STAP2: variants seen among roughly 807,000 people sequenced by gnomAD.
The protein encoded by STAP2 is signal-transducing adaptor protein 2.
A neutral mutation model predicts 52.7 loss-of-function variants in STAP2; 58 were observed. That is an observed-to-expected ratio of 1.10 (90% CI 0.89 to 1.37). STAP2 has a LOEUF of 1.37. STAP2 is among the 40% of genes most tolerant of loss of function. The pLI, the probability that STAP2 is intolerant of heterozygous loss-of-function variation, is 0.00. For missense variants in STAP2, 522 were observed against 519.4 expected (o/e 1.00, Z -0.05); for synonymous variants, 231 against 210.5 (o/e 1.10, Z -0.84).
chr19:4,328,982 G>T, intron 5 of STAP2, 173 bp from the exon 6 acceptor site: 1 of 876,052 alleles, frequency 1.1e-6, no homozygotes, highest in Non-Finnish European at 1.6e-6. Context: ...GGCCTTCCAG[G>T]CTCCTAGTTT....
At position 4,327,392 on chromosome 19, in the gene STAP2, C is replaced by G. The variant is rs1163118572; in HGVS notation, c.591-7G>C. On this transcript the variant is annotated splice_polypyrimidine_tract_variant and splice_region_variant and intron_variant, in intron 6 of 12. Transcript: ENST00000594605. ...ATGCCGGACCACGTGCGTCCTGCAC[C>G]AGGAGAAAGCGAGTGAGTGGCTCAG... The G allele has an allele frequency of 6.2e-7, 1 of 1,614,066 alleles. No individual in the cohort carries two copies. The highest frequency in any genetic ancestry group is 8.5e-7 in the Non-Finnish European group (1 of 1,179,956).
At position 4,330,075 on chromosome 19, in the gene STAP2, G is replaced by C. The variant is rs759575061; in HGVS notation, c.355-14C>G. 3.1e-6 allele frequency: 5 copies of C among 1,608,454 alleles called. No individual in the cohort carries two copies. Among genetic ancestry groups the C allele is most frequent in the Non-Finnish European group, 4.3e-6 (5 of 1,175,646 alleles). ...CGGGACACGGAGCTGAGGGGCGATC[G>C]AGGGACAGTGACTGCACCTGGCCAG... is the stretch of plus-strand genomic sequence containing the variant. On this transcript the variant is annotated splice_polypyrimidine_tract_variant and intron_variant, in intron 4 of 12. Coordinates refer to ENST00000594605, the MANE Select transcript of STAP2 (RefSeq NM_001013841.2).
chr19:4,337,889 G>A (rs1972004746), intron 1 of STAP2, among the ~76,000 whole-genome samples: 1 of 152,002 alleles, frequency 6.6e-6, no homozygotes, highest in Non-Finnish European at 1.5e-5. Flanking sequence ...AAGAGGCAGT[G>A]CATGCCTGTG....
In STAP2 at chr19:4,334,001, T is replaced by C; in HGVS notation, c.146A>G (p.Tyr49Cys). 6.2e-7 allele frequency: 1 copy of C among 1,613,418 alleles called. No individual in the cohort carries two copies. The highest frequency in any genetic ancestry group is 8.5e-7 in the Non-Finnish European group (1 of 1,179,724). ...GAAGTCCCGATTGCTATTGTAGAAA[T>C]AAATGGTGAGACCCTGCAGGCCTGC... ...FWAGLQGLTI[Y>C]FYNSNRDFQH... is the part of the protein sequence containing the mutation. The change falls in exon 2 of 13, where the codon TAT becomes TGT. Residue 49 changes from tyrosine (Y) to cysteine (C), a missense_variant. Coordinates refer to ENST00000594605, the MANE Select transcript of STAP2 (RefSeq NM_001013841.2).
intron 1 of STAP2, 30 bp downstream of exon 1, chr19:4,338,622 G>A: frequency 6.9e-7 from 1 of 1,444,666 alleles, no homozygotes; most frequent in Non-Finnish European, 9.3e-7. Flanking sequence ...CGGTGGCCCA[G>A]CAGGGCCAGC....
At chr19:4,336,838 T>G (rs1971988110) in intron 1 of STAP2, among the ~76,000 whole-genome samples, 1 of 148,568 alleles carries the variant, frequency 6.7e-6, no homozygotes, top group African/African-American at 2.5e-5. Context: ...TTTCACCATA[T>G]TGGCCAGGTT....
At chr19:4,326,554 G>A (rs1462457017) in intron 9 of STAP2, among the ~76,000 whole-genome samples, 1 of 148,642 alleles carries the variant, frequency 6.7e-6, no homozygotes, top group East Asian at 1.9e-4. Context: ...CTGCTTGTCC[G>A]GGTGTACCCT....
At chr19:4,326,385 C>G (rs570400952) in intron 9 of STAP2, among the ~76,000 whole-genome samples, 1 of 152,188 alleles carries the variant, frequency 6.6e-6, no homozygotes, top group Admixed American at 6.5e-5. Context: ...GGATGTGGCA[C>G]TTGGGGGTCC....
At chr19:4,330,268 C>T (rs143878397) in intron 4 of STAP2, among the ~76,000 whole-genome samples, 3,136 of 152,140 alleles carry the variant, frequency 0.021, 75 homozygotes, top group African/African-American at 0.06. Context: ...CGCCTGTAAT[C>T]CCAGCACTTT....
chr19:4,328,630 T>TACC, intron 6 of STAP2, 45 bp downstream of exon 6: 1 of 1,541,500 alleles, frequency 6.5e-7, no homozygotes, highest in Non-Finnish European at 8.8e-7. Context: ...CCCACCCTCT[T>TACC]CCCACCCTCC....
rs1000539835 is a variant in STAP2 at position 4,332,032 on chromosome 19, G to A, written c.344C>T (p.Thr115Met). Residue 115 changes from threonine to methionine, a missense_variant, in exon 4 of 13, where the codon ACG (threonine) becomes ATG (methionine). Thr to Met is a moderately conservative substitution (Grantham distance 81, BLOSUM62 -1). Transcript: ENST00000594605. ...CREMWKGFIL[T>M]VVELRVPTDL... ...AGCCACTACTCTTACCTCCACCACC[G>A]TTAAGATGAAGCCTTTCCACATTTC... 2.5e-6 allele frequency: 4 copies of A among 1,612,998 alleles called. No individual in the cohort carries two copies. The highest frequency in any genetic ancestry group is 1.3e-5 in the African/African-American group (1 of 74,806).
chr19:4,324,383 G>A (rs1971748417), intron 12 of STAP2, 72 bp downstream of exon 12: 2 of 1,409,122 alleles, frequency 1.4e-6, no homozygotes, highest in Non-Finnish European at 1.9e-6. Flanking sequence ...GCTTCGGAGT[G>A]TGGGGACTTG....
At chr19:4,324,842 A>C in intron 11 of STAP2, 1 of 420,750 alleles carries the variant, frequency 2.4e-6, no homozygotes, top group Non-Finnish European at 4.3e-6. Flanking sequence ...AAACAACAAT[A>C]AAGACAGATG....
At chr19:4,338,287 G>A (rs1293424416) in intron 1 of STAP2, 1 of 162,826 alleles carries the variant, frequency 6.1e-6, no homozygotes, top group Non-Finnish European at 1.3e-5. Flanking sequence ...GGAAGCTCGG[G>A]AGTCAGAGGA....
rs764721749 is a variant in STAP2 at position 4,328,658 on chromosome 19, C to G, written c.590+17G>C. The stretch of plus-strand genomic sequence containing the variant: ...CACCCTCCTCCCACCCAGGGCTCTC[C>G]AGACGCGCATGCGCACCCGTTGTGC... On this transcript the variant is annotated intron_variant, in intron 6 of 12. Coordinates refer to ENST00000594605, the MANE Select transcript of STAP2 (RefSeq NM_001013841.2). The G allele has an allele frequency of 3.8e-6, 6 of 1,584,396 alleles. No homozygotes were observed. The highest frequency in any genetic ancestry group is 2.3e-5 in the East Asian group (1 of 43,732).
chr19:4,334,466 T>C (rs552593387), intron 1 of STAP2, among the ~76,000 whole-genome samples: 6 of 150,684 alleles, frequency 4.0e-5, no homozygotes, highest in South Asian at 4.3e-4. Context: ...CCACCTACCA[T>C]TGACCCATCC....
intron 5 of STAP2, among the ~76,000 whole-genome samples, chr19:4,329,614 C>T (rs1971855184): frequency 6.6e-6 from 1 of 152,050 alleles, no homozygotes; most frequent in Admixed American, 6.5e-5. Context: ...CCTCTAGGGT[C>T]CCGGTTACCC....
intron 1 of STAP2, among the ~76,000 whole-genome samples, chr19:4,336,917 G>A (rs1971989343): frequency 6.6e-6 from 1 of 152,116 alleles, no homozygotes; most frequent in Admixed American, 6.6e-5. Flanking sequence ...TTACAGGCGT[G>A]AGCCACAAGC....
chr19:4,324,046 T>G lies in STAP2; in HGVS notation c.*87A>C. The G allele has an allele frequency of 7.1e-7, 1 of 1,411,224 alleles. No individual in the cohort carries two copies. Among genetic ancestry groups the G allele is most frequent in the Admixed American group, 2.0e-5 (1 of 50,776 alleles). The allele number at this position is 1,411,224 out of a possible 1,614,324, so 87.4% of individuals were successfully genotyped here. A position where few individuals can be genotyped will look rare whatever the true frequency, so the allele number is the denominator to read the frequency against. The stretch of plus-strand genomic sequence containing the variant: ...CAAGCCAAGCCAGACACATGGGTCC[T>G]GGGGTCAGAGTTTTAATCCTGGGAA... On this transcript the variant is annotated 3_prime_UTR_variant, in exon 13 of 13. Coordinates refer to ENST00000594605, the MANE Select transcript of STAP2 (RefSeq NM_001013841.2).
Sources: gnomAD v4.1 joint callset for allele counts (sites outside exome capture counted in the v4.1 genomes callset) on GRCh38, gnomAD v4.1.1 for gene constraint, MANE v1.5 for transcripts, NCBI Gene and HGNC (gene_info 2026-07-23, HGNC 2026-07-21) for gene names.